The following CFHR5 variants were observed in gnomAD, a reference collection of about 807,000 sequenced individuals.
CFHR5 encodes the protein complement factor H related 5, also known as complement factor H-related protein 5.
Under a neutral mutation model 62.9 loss-of-function variants are expected in CFHR5, and 73 were observed. That is an observed-to-expected ratio of 1.16 (90% CI 0.96 to 1.41). The LOEUF (loss-of-function observed/expected upper bound fraction) is 1.41. CFHR5 is among the 40% of genes most tolerant of loss of function. CFHR5 has a pLI of 0.00. For synonymous variants in CFHR5, 249 were observed against 227.2 expected (o/e 1.10, Z -0.86); for missense variants, 779 against 679.9 (o/e 1.15, Z -1.62).
chr1:196,988,319 C>A (rs556068386), intron 3 of CFHR5, among the ~76,000 whole-genome samples: 2,045 of 152,070 alleles, frequency 0.013, 41 homozygotes, highest in African/African-American at 0.045. Context: ...CTGCAAACAG[C>A]AACAATTTGA....
intron 3 of CFHR5, among the ~76,000 whole-genome samples, chr1:196,985,070 T>G (rs561829427): frequency 1.3e-5 from 2 of 152,336 alleles, no homozygotes; most frequent in South Asian, 4.1e-4. Flanking sequence ...TTGTAAAATT[T>G]TCTAAATTTT....
At chr1:197,004,949 A>T in intron 9 of CFHR5, 106 bp downstream of exon 9, 1 of 908,356 alleles carries the variant, frequency 1.1e-6, no homozygotes, top group Admixed American at 2.1e-5. Context: ...TTCAGTCAAA[A>T]TCTTTCCTGT....
intron 3 of CFHR5, among the ~76,000 whole-genome samples, chr1:196,993,707 A>G (rs1211097110): frequency 2.0e-5 from 3 of 152,186 alleles, no homozygotes; most frequent in Admixed American, 6.5e-5. Context: ...GTGAGAAAAA[A>G]ATATTCCTAT....
At chr1:196,998,391 A>T in intron 7 of CFHR5, 87 bp downstream of exon 7, 1 of 1,090,950 alleles carries the variant, frequency 9.2e-7, no homozygotes, top group Non-Finnish European at 1.4e-6. Context: ...TAAATTAAAT[A>T]TTTATTGTGG....
At chr1:196,983,150 T>C (rs1653587051) in intron 2 of CFHR5, 71 bp downstream of exon 2, 1 of 1,600,246 alleles carries the variant, frequency 6.2e-7, no homozygotes, top group Non-Finnish European at 8.6e-7. Flanking sequence ...GACAAGATCA[T>C]AAGGTCTTGA....
At position 197,002,536 on chromosome 1, in the gene CFHR5, T is replaced by G. The variant is rs201714199; in HGVS notation, c.1202T>G (p.Met401Arg). Residue 401 changes from methionine to arginine, a missense_variant, in exon 8 of 10, where the codon ATG (methionine) becomes AGG (arginine). By Grantham distance (91) the Met-to-Arg change is moderately conservative. Coordinates refer to ENST00000256785, the MANE Select transcript of CFHR5 (RefSeq NM_030787.4). ...PPPQIPNAQN[M>R]TTTVNYQDGE... ...CCTCAGATACCTAATGCTCAGAATA[T>G]GACAACCACAGTGAATTATCAGGAT... The G allele has an allele frequency of 2.5e-6, 4 of 1,613,588 alleles. No individual in the cohort carries two copies. The highest frequency in any genetic ancestry group is 3.4e-6 in the Non-Finnish European group (4 of 1,179,776).
In CFHR5 at chr1:197,008,752, C is replaced by T; in HGVS notation, c.*69C>T. 1.6e-6 allele frequency: 2 copies of T among 1,251,978 alleles called. No individual in the cohort carries two copies. The highest frequency in any genetic ancestry group is 2.3e-6 in the Non-Finnish European group (2 of 853,246). The allele number at this position is 1,251,978 out of a possible 1,614,324, so 77.6% of individuals were successfully genotyped here. ...ATGCTAAAAGTAGCCATTATGTAGC[C>T]AATTCTGTAGTTACTTCTTTTATTC... On this transcript the variant is annotated 3_prime_UTR_variant, in exon 10 of 10. Transcript: ENST00000256785.
At chr1:196,979,176 C>A (rs1165279781) in intron 1 of CFHR5, among the ~76,000 whole-genome samples, 3 of 152,072 alleles carry the variant, frequency 2.0e-5, no homozygotes, top group Non-Finnish European at 4.4e-5. Context: ...CCACCCCTCA[C>A]TACTACTTAG....
At position 196,995,842 on chromosome 1, in the gene CFHR5, G is replaced by T. The variant is rs201808624; in HGVS notation, c.733G>T (p.Gly245Trp). ...TTGCAATCCTAATTTTATAATAAAC[G>T]GGCCTAAGAAAATACAATGTGTGGA... is the stretch of plus-strand genomic sequence containing the variant. ...YDCNPNFIINGPKKIQCVDGE... is the reference protein window; with the variant it reads ...YDCNPNFIINWPKKIQCVDGE... Residue 245 changes from glycine (G) to tryptophan (W), a missense_variant, in exon 5 of 10, where the codon GGG becomes TGG. By Grantham distance (184) the Gly-to-Trp change is radical (BLOSUM62 -2). Transcript: ENST00000256785. 1 of 1,613,102 alleles carries T rather than the reference G, an allele frequency of 6.2e-7. No individual in the cohort carries two copies. Among genetic ancestry groups the T allele is most frequent in the South Asian group, 1.1e-5 (1 of 91,060 alleles).
chr1:196,985,327 T>C (rs1391510486), intron 3 of CFHR5, among the ~76,000 whole-genome samples: 1 of 152,154 alleles, frequency 6.6e-6, no homozygotes, highest in Non-Finnish European at 1.5e-5. Flanking sequence ...GGCAACAAAG[T>C]GAGACCCTTC....
At chr1:196,975,896 G>A (rs760703168), upstream of CFHR5, among the ~76,000 whole-genome samples, 2 of 152,174 alleles carry the variant, frequency 1.3e-5, no homozygotes, top group Non-Finnish European at 2.9e-5. Flanking sequence ...GAATGGGCAG[G>A]AGAGTGTGTG....
chr1:196,992,483 A>G (rs1653874226), intron 3 of CFHR5, among the ~76,000 whole-genome samples: 1 of 152,066 alleles, frequency 6.6e-6, no homozygotes, highest in Non-Finnish European at 1.5e-5. Context: ...TGCACTTCCC[A>G]GGGAGGCAAT....
chr1:196,981,671 T>C (rs1653545029), intron 1 of CFHR5, among the ~76,000 whole-genome samples: 1 of 152,002 alleles, frequency 6.6e-6, no homozygotes, highest in South Asian at 2.1e-4. Flanking sequence ...CCTTAAGGAA[T>C]TGTTCCAGGA....
chr1:196,985,566 C>T (rs1003701555), intron 3 of CFHR5, among the ~76,000 whole-genome samples: 1 of 151,986 alleles, frequency 6.6e-6, no homozygotes, highest in African/African-American at 2.4e-5. Context: ...AATGTATAGG[C>T]TTCAGTTATG....
intron 9 of CFHR5, 147 bp downstream of exon 9, chr1:197,004,990 A>C: frequency 1.4e-6 from 1 of 702,316 alleles, no homozygotes; most frequent in Non-Finnish European, 2.4e-6. Context: ...GAAACATTTG[A>C]AAAATTTGCT....
At chr1:197,003,911 A>G (rs1654213271) in intron 8 of CFHR5, among the ~76,000 whole-genome samples, 1 of 152,166 alleles carries the variant, frequency 6.6e-6, no homozygotes, top group Non-Finnish European at 1.5e-5. Flanking sequence ...ATTCATGAAG[A>G]AGGATCTTTT....
chr1:196,975,960 A>C (rs1653387472), upstream of CFHR5, among the ~76,000 whole-genome samples: 2 of 152,252 alleles, frequency 1.3e-5, no homozygotes, highest in Non-Finnish European at 2.9e-5. Context: ...ATGTGGTGGG[A>C]AGAGAGAAAA....
At chr1:197,004,902 G>T in intron 9 of CFHR5, 59 bp downstream of exon 9, 1 of 1,357,640 alleles carries the variant, frequency 7.4e-7, no homozygotes, top group African/African-American at 1.5e-5. Context: ...TAATTTTTTT[G>T]GACTAATTTC....
chr1:196,976,579 G>GA (rs1443694937), upstream of CFHR5, among the ~76,000 whole-genome samples: 1 of 151,952 alleles, frequency 6.6e-6, no homozygotes, highest in African/African-American at 2.4e-5. Flanking sequence ...AGACTTTCTG[G>GA]AAAAAATATT....
Sources: gnomAD v4.1 joint callset for allele counts (sites outside exome capture counted in the v4.1 genomes callset) on GRCh38, gnomAD v4.1.1 for gene constraint, MANE v1.5 for transcripts, NCBI Gene and HGNC (gene_info 2026-07-23, HGNC 2026-07-21) for gene names.